The following ATP8A2 variants were observed in gnomAD, a reference collection of about 807,000 sequenced individuals.
ATP8A2 encodes phospholipid-transporting ATPase IB.
Under a neutral mutation model 165.6 loss-of-function variants are expected in ATP8A2, and 100 were observed. That is an observed-to-expected ratio of 0.60 (90% CI 0.51 to 0.71). The LOEUF (loss-of-function observed/expected upper bound fraction) is 0.71. ATP8A2 is among the 30% of genes least tolerant of loss of function. ATP8A2 has a pLI of 0.00. For synonymous variants in ATP8A2, 543 were observed against 548.8 expected, an observed-to-expected ratio of 0.99 and a Z score of 0.15; for missense variants, 1,227 against 1,479.5, an observed-to-expected ratio of 0.83 and a Z score of 2.80.
chr13:25,501,774 C>G (rs2036859261), intron 2 of ATP8A2, among the ~76,000 whole-genome samples: 1 of 152,098 alleles, frequency 6.6e-6, no homozygotes, highest in Non-Finnish European at 1.5e-5. Context: ...GGTAATTTTC[C>G]CAGACTTCAG....
At chr13:25,466,568 C>T (rs2035674049) in intron 1 of ATP8A2, among the ~76,000 whole-genome samples, 1 of 152,172 alleles carries the variant, frequency 6.6e-6, no homozygotes, top group African/African-American at 2.4e-5. Flanking sequence ...GGGCAGGAAC[C>T]TGATCTTCTG....
At chr13:25,675,440 G>A (rs529317344) in intron 24 of ATP8A2, among the ~76,000 whole-genome samples, 2 of 152,188 alleles carry the variant, frequency 1.3e-5, no homozygotes. Flanking sequence ...ATCAAATCAG[G>A]CCTGGTGTAG....
At chr13:25,540,838 C>G (rs2137986946) in intron 8 of ATP8A2, among the ~76,000 whole-genome samples, 2 of 151,352 alleles carry the variant, frequency 1.3e-5, no homozygotes, top group Middle Eastern at 6.9e-3. Context: ...TATTTTAATT[C>G]TAGGATGAAG....
chr13:26,009,378 C>T (rs1200910577), intron 35 of ATP8A2, among the ~76,000 whole-genome samples: 1 of 152,238 alleles, frequency 6.6e-6, no homozygotes, highest in Non-Finnish European at 1.5e-5. Flanking sequence ...TGGACACCCT[C>T]TCCATGCTTC....
intron 15 of ATP8A2, among the ~76,000 whole-genome samples, chr13:25,562,122 T>TG (rs1184223611): frequency 6.6e-6 from 1 of 152,202 alleles, no homozygotes; most frequent in African/African-American, 2.4e-5. Flanking sequence ...TTTCCATTCT[T>TG]GGGGGTATAT....
At chr13:25,664,548 A>C (rs1477899091) in intron 24 of ATP8A2, among the ~76,000 whole-genome samples, 1 of 152,154 alleles carries the variant, frequency 6.6e-6, no homozygotes, top group Non-Finnish European at 1.5e-5. Context: ...ACGCCCTAAG[A>C]AACTGTTCAA....
intron 24 of ATP8A2, among the ~76,000 whole-genome samples, chr13:25,598,566 G>A (rs148772552): frequency 1.9e-3 from 287 of 152,184 alleles, no homozygotes; most frequent in African/African-American, 6.1e-3. Context: ...ACTTGTGCAC[G>A]TCAAATTTGC....
intron 24 of ATP8A2, among the ~76,000 whole-genome samples, chr13:25,670,718 C>T (rs2042246720): frequency 6.6e-6 from 1 of 152,130 alleles, no homozygotes; most frequent in Non-Finnish European, 1.5e-5. Flanking sequence ...AGATGATGTT[C>T]CTCCTGATGC....
chr13:25,648,889 A>G (rs1400218475), intron 24 of ATP8A2: 1 of 405,752 alleles, frequency 2.5e-6, no homozygotes, highest in African/African-American at 2.1e-5. Context: ...GGTTGAATCC[A>G]CAGATGTGGA....
At chr13:25,870,845 T>C (rs1204283332) in intron 33 of ATP8A2, among the ~76,000 whole-genome samples, 1 of 152,252 alleles carries the variant, frequency 6.6e-6, no homozygotes, top group African/African-American at 2.4e-5. Flanking sequence ...TTTTAAAATA[T>C]GAATGTTGAG....
At chr13:25,426,238 G>T (rs931530223) in intron 1 of ATP8A2, among the ~76,000 whole-genome samples, 1 of 152,216 alleles carries the variant, frequency 6.6e-6, no homozygotes, top group African/African-American at 2.4e-5. Flanking sequence ...TGCTTCTGGT[G>T]AGGCCTCAGG....
intron 33 of ATP8A2, among the ~76,000 whole-genome samples, chr13:25,956,740 G>T (rs555249497): frequency 6.6e-6 from 1 of 152,124 alleles, no homozygotes; most frequent in Non-Finnish European, 1.5e-5. Context: ...AGCTACCATT[G>T]ACTTTCTTCA....
intron 25 of ATP8A2, among the ~76,000 whole-genome samples, chr13:25,765,397 A>G (rs1050622699): frequency 2.0e-5 from 3 of 152,184 alleles, no homozygotes; most frequent in African/African-American, 7.2e-5. Context: ...ACTCCAGGTC[A>G]CAAGTTAAGA....
At chr13:25,567,169 T>C (rs1196139291) in intron 16 of ATP8A2, 6 of 338,890 alleles carry the variant, frequency 1.8e-5, no homozygotes, top group Non-Finnish European at 2.9e-5. Context: ...ACAGGTGTTC[T>C]TTCCAAAGCT....
chr13:25,904,153 G>A (rs539391526), intron 33 of ATP8A2, among the ~76,000 whole-genome samples: 133 of 152,290 alleles, frequency 8.7e-4, no homozygotes, highest in African/African-American at 3.0e-3. Flanking sequence ...TTTCCTCTGA[G>A]CGTCATAGCA....
At chr13:25,817,005 G>A (rs1380141692) in intron 27 of ATP8A2, among the ~76,000 whole-genome samples, 1 of 152,108 alleles carries the variant, frequency 6.6e-6, no homozygotes, top group African/African-American at 2.4e-5. Context: ...CATAAATGAA[G>A]TGATCTTATA....
intron 36 of ATP8A2, among the ~76,000 whole-genome samples, 195 bp from the exon 37 acceptor site, chr13:26,019,693 G>T (rs1017583927): frequency 1.3e-5 from 2 of 152,160 alleles, no homozygotes; most frequent in African/African-American, 4.8e-5. Flanking sequence ...TGGGACCCCA[G>T]TTAGCCTGCA....
At chr13:25,775,591 C>T (rs369524920) in intron 27 of ATP8A2, among the ~76,000 whole-genome samples, 24 of 152,094 alleles carry the variant, frequency 1.6e-4, no homozygotes, top group Non-Finnish European at 3.2e-4. Flanking sequence ...GTAAAACAAA[C>T]GTGCCTGCTA....
chr13:25,874,883 TCA>T (rs150643675), intron 33 of ATP8A2, among the ~76,000 whole-genome samples: 7,380 of 152,184 alleles, frequency 0.048, 438 homozygotes, highest in Admixed American at 0.12. Flanking sequence ...TTATTCAACC[TCA>T]CAAAAGAAGG....
Sources: gnomAD v4.1 joint callset for allele counts (sites outside exome capture counted in the v4.1 genomes callset) on GRCh38, gnomAD v4.1.1 for gene constraint, MANE v1.5 for transcripts, NCBI Gene and HGNC (gene_info 2026-07-23, HGNC 2026-07-21) for gene names.